COL18A1: variants seen among roughly 807,000 people sequenced by gnomAD.
COL18A1 encodes the protein collagen type XVIII alpha 1 chain.
Under a neutral mutation model 168.0 loss-of-function variants are expected in COL18A1, and 133 were observed. The observed-to-expected ratio is 0.79, with a 90% CI of 0.69 to 0.91. The LOEUF is 0.91. Among genes scored for constraint, COL18A1 ranks in the 40% least tolerant of loss-of-function variants. The probability of loss-of-function intolerance (pLI) is 0.00; values close to 1 mark genes in which losing one functional copy is unlikely to be tolerated. For missense variants in COL18A1, 2,126 were observed against 1,925.4 expected, an observed-to-expected ratio of 1.10 and a Z score of -1.95; for synonymous variants, 949 against 809.0, an observed-to-expected ratio of 1.17 and a Z score of -2.94.
chr21:45,463,810 C>T lies in COL18A1; in HGVS notation c.107-4432C>T, dbSNP rs1282010543. On this transcript the variant is annotated intron_variant, in intron 2 of 41. Transcript: ENST00000651438. This position sits in a 1 kb window ranked among gnomAD's most constrained non-coding sequence, Gnocchi z 4.0. ...TACTCGGGATGCTGAGGCAGGAGAA[C>T]TGCTTGAACCTGGGAGGTGGAGGTT... is the stretch of plus-strand genomic sequence containing the variant. Among the ~76,000 whole-genome samples the T allele has an allele frequency of 2.0e-5, 3 of 151,930 alleles. No homozygotes were observed. Among genetic ancestry groups the T allele is most frequent in the African/African-American group, 2.4e-5 (1 of 41,356 alleles).
rs375400196 is a variant in COL18A1 at position 45,477,947 on chromosome 21, T to C, written c.1203T>C (p.Pro401=). The change falls in exon 8 of 42, where the codon CCT becomes CCC. Residue 401 remains proline (P), a synonymous_variant. Transcript: ENST00000651438. The part of the protein sequence containing the change: ...PPGPPGRDGT[P]GRDGEPGDPG... ...GGCCTCCGGGGAGGGACGGCACCCC[T>C]GGAAGGGACGGCGAGCCGGTGAGTC... 2.1e-4 allele frequency: 318 copies of C among 1,542,812 alleles called. No individual in the cohort carries two copies. The African/African-American group carries it at 3.7e-3, about 18-fold the overall frequency.
intron 15 of COL18A1, 24 bp downstream of exon 15, chr21:45,482,845 T>A: frequency 6.2e-7 from 1 of 1,614,098 alleles, no homozygotes; most frequent in Non-Finnish European, 8.5e-7. Context: ...CCCTGGCACA[T>A]CAGTCCCCTG....
chr21:45,493,047 G>A, intron 24 of COL18A1, 116 bp from the exon 25 acceptor site: 1 of 1,094,252 alleles, frequency 9.1e-7, no homozygotes, highest in Non-Finnish European at 1.4e-6. Flanking sequence ...AGGGGCCCTG[G>A]TCGGGCTGTC....
intron 2 of COL18A1, among the ~76,000 whole-genome samples, chr21:45,414,555 G>C (rs1260892267): frequency 6.6e-6 from 1 of 152,214 alleles, no homozygotes; most frequent in African/African-American, 2.4e-5. Flanking sequence ...GCCTCCTGCA[G>C]ACAAGGCTCG....
Position 45,495,432 on chromosome 21 carries a change from GGTGA to G in COL18A1, c.2508+4_2508+7del. 1 of 1,607,524 alleles carries G rather than the reference GGTGA, an allele frequency of 6.2e-7. No individual in the cohort carries two copies. The highest frequency in any genetic ancestry group is 8.5e-7 in the Non-Finnish European group (1 of 1,176,710). On this transcript the variant is annotated splice_donor_variant and splice_donor_region_variant and intron_variant, in intron 29 of 41. Coordinates refer to ENST00000651438, the MANE Select transcript of COL18A1 (RefSeq NM_001379500.1). LOFTEE classifies it high-confidence loss of function. ...ATGCCAGCCTTGGATTTGGCATGAG[GGTGA>G]GTGTCTCTCAAGGGGCGGACTGGGT...
At chr21:45,492,744 G>GCCCGCCTCTGCCCT (rs11267376) in intron 24 of COL18A1, 31 bp downstream of exon 24, 1 of 1,551,334 alleles carries the variant, frequency 6.4e-7, no homozygotes, top group South Asian at 1.1e-5. Flanking sequence ...GCTGCATGCT[G>GCCCGCCTCTGCCCT]CCCGGCTGGG....
rs537700361 is a variant in COL18A1 at position 45,433,389 on chromosome 21, C to T, written c.106+27916C>T. Among the ~76,000 whole-genome samples the T allele has an allele frequency of 4.6e-5, 7 of 152,318 alleles. No homozygotes were observed. The South Asian group carries it at 1.5e-3, about 32-fold the overall frequency. On this transcript the variant is annotated intron_variant, in intron 2 of 41. Transcript: ENST00000651438. The stretch of plus-strand genomic sequence containing the variant: ...GCTCCATGAGAGTGGAGCCCGGGAG[C>T]CTCTCTGGTCGTCTTTGTGTGCGTC...
At chr21:45,427,831 G>A (rs570354226) in intron 2 of COL18A1, among the ~76,000 whole-genome samples, 1 of 152,332 alleles carries the variant, frequency 6.6e-6, no homozygotes, top group East Asian at 1.9e-4. Context: ...AGGGGGGCGA[G>A]GCCTCGGGAA....
chr21:45,492,322 T>C (rs1013952899), intron 22 of COL18A1, among the ~76,000 whole-genome samples: 1 of 152,184 alleles, frequency 6.6e-6, no homozygotes. Flanking sequence ...GTAAAAACCA[T>C]GGCCCTTAGG....
In COL18A1 at chr21:45,473,903, C is replaced by T. The variant is rs189093550; in HGVS notation, c.660C>T (p.Ile220=). ...GADPDKFQGV[I]AELKVRRDPQ... ...TCTCTGTCTGCATTTAGGGGGTGATCGCTGAGCTGAAGGTGCGCAGGGACC... is the reference window on the plus strand; with the variant it reads ...TCTCTGTCTGCATTTAGGGGGTGATTGCTGAGCTGAAGGTGCGCAGGGACC... The change falls in exon 4 of 42, where the codon ATC becomes ATT. Residue 220 remains isoleucine, a synonymous_variant. Transcript: ENST00000651438. This position sits in a 1 kb window ranked among gnomAD's most constrained non-coding sequence, Gnocchi z 4.0. 13 of 1,601,820 alleles carry T rather than the reference C, an allele frequency of 8.1e-6. No individual in the cohort carries two copies. Among genetic ancestry groups the T allele is most frequent in the African/African-American group, 5.4e-5 (4 of 74,694 alleles).
chr21:45,431,282 C>T (rs1360495910), intron 2 of COL18A1, among the ~76,000 whole-genome samples: 2 of 152,054 alleles, frequency 1.3e-5, no homozygotes, highest in Non-Finnish European at 2.9e-5. Context: ...AGGTGACCTC[C>T]ACCGAGCACC....
intron 32 of COL18A1, among the ~76,000 whole-genome samples, chr21:45,499,798 C>T (rs527977830): frequency 6.6e-6 from 1 of 152,308 alleles, no homozygotes; most frequent in South Asian, 2.1e-4. Context: ...GGCACACACA[C>T]AGGACGTTTA....
Position 45,443,809 on chromosome 21 carries a change from GCTGCAGCA to G in COL18A1, c.107-24430_107-24423del, listed in dbSNP as rs2145823891. On this transcript the variant is annotated intron_variant, in intron 2 of 41. Transcript: ENST00000651438. This position sits in a 1 kb window ranked among gnomAD's most constrained non-coding sequence, Gnocchi z 5.2. ...TCTGCTGGTGGAGAGGAATAGCTGA[GCTGCAGCA>G]CTAAGGAGAGATGCCTGCTGCATGA... Among the ~76,000 whole-genome samples, 2 of 152,316 alleles carry G rather than the reference GCTGCAGCA, an allele frequency of 1.3e-5. No homozygotes were observed. The highest frequency in any genetic ancestry group is 2.9e-5 in the Non-Finnish European group (2 of 68,030).
intron 36 of COL18A1, 99 bp from the exon 37 acceptor site, chr21:45,505,739 C>A: frequency 1.0e-6 from 1 of 997,080 alleles, no homozygotes; most frequent in Non-Finnish European, 1.5e-6. Flanking sequence ...CAAAGCCCTG[C>A]GGCCCCTGCC....
At chr21:45,490,479 C>T (rs796872673) in intron 20 of COL18A1, 133 bp downstream of exon 20, 9 of 675,344 alleles carry the variant, frequency 1.3e-5, no homozygotes, top group African/African-American at 2.2e-5. Context: ...GGTCCCTGGG[C>T]CTCCGTGTGC....
At chr21:45,509,944 C>CGGAG (rs1295761328) in intron 39 of COL18A1, 120 bp from the exon 40 acceptor site, 2 of 1,196,998 alleles carry the variant, frequency 1.7e-6, no homozygotes, top group African/African-American at 3.0e-5. Context: ...TGCGCGCCTC[C>CGGAG]CGCTCAGCGC....
intron 2 of COL18A1, among the ~76,000 whole-genome samples, chr21:45,451,165 C>T (rs959374756): frequency 5.9e-5 from 9 of 152,244 alleles, no homozygotes; most frequent in African/African-American, 2.2e-4. Flanking sequence ...TAGCCCATGG[C>T]TACAGCTTCC....
In COL18A1 at chr21:45,509,620, T is replaced by C. The variant is rs1359201667; in HGVS notation, c.3495+19T>C. The C allele has an allele frequency of 1.5e-6, 2 of 1,337,046 alleles. No homozygotes were observed. The highest frequency in any genetic ancestry group is 2.1e-6 in the Non-Finnish European group (2 of 965,324). 82.8% of individuals were successfully genotyped at this position (1,337,046 alleles called of 1,614,324 possible). A position where few individuals can be genotyped will look rare whatever the true frequency, so the allele number is the denominator to read the frequency against. ...GCCGGTGGTGAGTGCCCCCCCAAAG[T>C]GGGCTTGGCTCCATCTAGCCCCTCG... is the stretch of plus-strand genomic sequence containing the variant. On this transcript the variant is annotated intron_variant, in intron 39 of 41. Coordinates refer to ENST00000651438, the MANE Select transcript of COL18A1 (RefSeq NM_001379500.1).
At chr21:45,416,198 C>A (rs1475699179) in intron 2 of COL18A1, among the ~76,000 whole-genome samples, 1 of 152,134 alleles carries the variant, frequency 6.6e-6, no homozygotes, top group Non-Finnish European at 1.5e-5. Context: ...TAAACCTATT[C>A]TTGGGGAATG....
Sources: gnomAD v4.1 joint callset for allele counts (sites outside exome capture counted in the v4.1 genomes callset) on GRCh38, gnomAD v4.1.1 for gene constraint, Gnocchi (gnomAD v3.1) non-coding constraint, MANE v1.5 for transcripts, NCBI Gene and HGNC (gene_info 2026-07-23, HGNC 2026-07-21) for gene names.